TRIM13: variants seen among roughly 807,000 people sequenced by gnomAD.
TRIM13 encodes the protein E3 ubiquitin-protein ligase TRIM13.
TRIM13 carries 15 observed loss-of-function variants against 27.1 expected under a neutral mutation model. The ratio of observed to expected loss-of-function variants is 0.55; its 90% confidence interval spans 0.37 to 0.85. The LOEUF (loss-of-function observed/expected upper bound fraction) is 0.85. Ranked by LOEUF, TRIM13 falls within the 40% of genes least tolerant of loss-of-function variation. The pLI, the probability that TRIM13 is intolerant of heterozygous loss-of-function variation, is 0.00. For synonymous variants in TRIM13, 193 were observed against 171.5 expected (o/e 1.13, Z -0.98); for missense variants, 402 against 472.2 (o/e 0.85, Z 1.38).
chr13:50,013,432 G>C lies in TRIM13; in HGVS notation c.*268G>C, dbSNP rs924464081. 2.0e-5 allele frequency: 6 copies of C among 298,618 alleles called. No homozygotes were observed. The highest frequency in any genetic ancestry group is 3.3e-5 in the Non-Finnish European group (5 of 152,888). The allele number at this position is 298,618 out of a possible 1,614,324, so 18.5% of individuals were successfully genotyped here. ...TGTATTTATGCTGTGATAAAAATAG[G>C]TGAGAGATCATATGATCTAATATTG... On this transcript the variant is annotated 3_prime_UTR_variant, in exon 2 of 2. Transcript: ENST00000378182.
chr13:49,997,491 G>C lies in TRIM13; in HGVS notation c.-279G>C, dbSNP rs1044852590. 19 of 152,246 alleles carry C rather than the reference G, an allele frequency of 1.2e-4. No individual in the cohort carries two copies. The highest frequency in any genetic ancestry group is 4.6e-4 in the African/African-American group (19 of 41,444). The allele number at this position is 152,246 out of a possible 1,614,324, so 9.4% of individuals were successfully genotyped here. ...CAGCGTTTGGTTGCATGGCGCCGGG[G>C]GAGGGCGCCCTAACCGAGAAGCTGC... On this transcript the variant is annotated 5_prime_UTR_variant, in exon 1 of 2. Coordinates refer to ENST00000378182, the MANE Select transcript of TRIM13 (RefSeq NM_213590.3).
At chr13:50,009,814 C>G (rs1875353481) in intron 1 of TRIM13, among the ~76,000 whole-genome samples, 1 of 151,200 alleles carries the variant, frequency 6.6e-6, no homozygotes, top group Admixed American at 6.6e-5. Flanking sequence ...TGGTGCACAC[C>G]TGCAGTCTGT....
intron 1 of TRIM13, among the ~76,000 whole-genome samples, chr13:49,999,117 C>T (rs926398475): frequency 3.3e-4 from 12 of 36,604 alleles, no homozygotes; most frequent in Admixed American, 1.7e-3. Flanking sequence ...GCGTCTGGGC[C>T]GCTCCCTTTT....
chr13:49,999,354 C>T (rs1385510570), intron 1 of TRIM13, among the ~76,000 whole-genome samples: 1 of 152,238 alleles, frequency 6.6e-6, no homozygotes, highest in East Asian at 1.9e-4. Context: ...GCGTTTCACC[C>T]CAAACCCGGA....
intron 1 of TRIM13, among the ~76,000 whole-genome samples, chr13:50,007,966 G>A (rs780426318): frequency 6.5e-4 from 99 of 151,304 alleles, no homozygotes; most frequent in Non-Finnish European, 1.2e-3. Context: ...GTGCAGTGGC[G>A]CTGTCTCGGC....
intron 1 of TRIM13, among the ~76,000 whole-genome samples, chr13:50,010,097 G>A (rs1285897455): frequency 3.6e-5 from 5 of 139,808 alleles, no homozygotes; most frequent in Non-Finnish European, 7.5e-5. Context: ...TGCCCAGGCT[G>A]GAGTGCAGTG....
At position 50,016,653 on chromosome 13, in the gene TRIM13, G is replaced by T. The variant is rs531900662; in HGVS notation, c.*3489G>T. ...GGCTGTCAGTATGTTAAGGATAGTT[G>T]CTCCTGAGTCAATTCTTCACTTACT... On this transcript the variant is annotated 3_prime_UTR_variant, in exon 2 of 2. Coordinates refer to ENST00000378182, the MANE Select transcript of TRIM13 (RefSeq NM_213590.3). The T allele has an allele frequency of 1.2e-5, 2 of 167,068 alleles. No homozygotes were observed. 10.3% of individuals were successfully genotyped at this position (167,068 alleles called of 1,614,324 possible).
chr13:50,005,127 A>G (rs550728062), intron 1 of TRIM13, among the ~76,000 whole-genome samples: 2 of 152,260 alleles, frequency 1.3e-5, no homozygotes, highest in Non-Finnish European at 2.9e-5. Flanking sequence ...GAGGGGATGT[A>G]TCCTTTTTTG....
At chr13:50,001,162 G>A (rs1256726251) in intron 1 of TRIM13, 1 of 152,144 alleles carries the variant, frequency 6.6e-6, no homozygotes, top group African/African-American at 2.4e-5. Context: ...ATGGTGGCAA[G>A]TGCCTGTAAT....
chr13:50,008,557 G>A (rs1875119470), intron 1 of TRIM13, among the ~76,000 whole-genome samples: 1 of 152,038 alleles, frequency 6.6e-6, no homozygotes, highest in Non-Finnish European at 1.5e-5. Flanking sequence ...AGGATTGCTT[G>A]AGCCCAGAAG....
chr13:50,000,161 G>T (rs1468688860), intron 1 of TRIM13, among the ~76,000 whole-genome samples: 2 of 152,120 alleles, frequency 1.3e-5, no homozygotes, highest in Non-Finnish European at 2.9e-5. Flanking sequence ...ACTCGGGTAG[G>T]TATGGTAACA....
chr13:50,000,459 C>A (rs1327736862), intron 1 of TRIM13, among the ~76,000 whole-genome samples: 2 of 152,130 alleles, frequency 1.3e-5, no homozygotes, highest in African/African-American at 4.8e-5. Flanking sequence ...ACCAAAAAAA[C>A]ACAACAACCC....
rs1876645270 is a variant in TRIM13 at position 50,016,781 on chromosome 13, A to G, written c.*3617A>G. On this transcript the variant is annotated 3_prime_UTR_variant, in exon 2 of 2. Coordinates refer to ENST00000378182, the MANE Select transcript of TRIM13 (RefSeq NM_213590.3). ...CTTAATGCTGTCCTACCATTATTTT[A>G]CCAACTGTGAAAGCTGGCTTTAATT... 6.0e-6 allele frequency: 1 copy of G among 166,880 alleles called. No homozygotes were observed. Among genetic ancestry groups the G allele is most frequent in the Non-Finnish European group, 1.5e-5 (1 of 68,078 alleles). 10.3% of individuals were successfully genotyped at this position (166,880 alleles called of 1,614,324 possible).
intron 1 of TRIM13, among the ~76,000 whole-genome samples, chr13:50,002,634 T>C (rs1874185122): frequency 6.6e-6 from 1 of 152,008 alleles, no homozygotes; most frequent in Non-Finnish European, 1.5e-5. Flanking sequence ...TTACTTAGTT[T>C]CAAGAAAACA....
chr13:50,011,893 T>A, intron 1 of TRIM13, 42 bp from the exon 2 acceptor site: 1 of 1,542,950 alleles, frequency 6.5e-7, no homozygotes, highest in Non-Finnish European at 8.7e-7. Flanking sequence ...GTCCTAGTGG[T>A]GACGGTTATT....
In TRIM13 at chr13:50,013,262, C is replaced by T. The variant is rs73491515; in HGVS notation, c.*98C>T. 5 of 1,236,780 alleles carry T rather than the reference C, an allele frequency of 4.0e-6. No individual in the cohort carries two copies. Among genetic ancestry groups the T allele is most frequent in the Non-Finnish European group, 5.5e-6 (5 of 908,506 alleles). 76.6% of individuals were successfully genotyped at this position (1,236,780 alleles called of 1,614,324 possible). A position where few individuals can be genotyped will look rare whatever the true frequency, so the allele number is the denominator to read the frequency against. On this transcript the variant is annotated 3_prime_UTR_variant, in exon 2 of 2. Transcript: ENST00000378182. Reference sequence around the variant, plus strand: ...TCAACGATTCTAGTCACATATTTTCCTCCAAAAGTATTCCTTCCAAAAATA... The same window carrying T: ...TCAACGATTCTAGTCACATATTTTCTTCCAAAAGTATTCCTTCCAAAAATA...
rs998871577 is a variant in TRIM13 at position 50,013,422 on chromosome 13, A to G, written c.*258A>G. On this transcript the variant is annotated 3_prime_UTR_variant, in exon 2 of 2. Coordinates refer to ENST00000378182, the MANE Select transcript of TRIM13 (RefSeq NM_213590.3). ...AAATGTTGGTTGTATTTATGCTGTGATAAAAATAGGTGAGAGATCATATGA... is the reference window on the plus strand; with the variant it reads ...AAATGTTGGTTGTATTTATGCTGTGGTAAAAATAGGTGAGAGATCATATGA... 1 of 317,634 alleles carries G rather than the reference A, an allele frequency of 3.1e-6. No individual in the cohort carries two copies. The highest frequency in any genetic ancestry group is 6.1e-6 in the Non-Finnish European group (1 of 164,818). The allele number at this position is 317,634 out of a possible 1,614,324, so 19.7% of individuals were successfully genotyped here.
At position 50,014,014 on chromosome 13, in the gene TRIM13, G is replaced by A. The variant is rs988945883; in HGVS notation, c.*850G>A. On this transcript the variant is annotated 3_prime_UTR_variant, in exon 2 of 2. Coordinates refer to ENST00000378182, the MANE Select transcript of TRIM13 (RefSeq NM_213590.3). Reference sequence around the variant, plus strand: ...AGTTAATTATCACCAAAATGTGAATGGTACATACAAAACCTGGCATTTTCT... The same window carrying A: ...AGTTAATTATCACCAAAATGTGAATAGTACATACAAAACCTGGCATTTTCT... 1.2e-5 allele frequency: 2 copies of A among 166,652 alleles called. No individual in the cohort carries two copies. Among genetic ancestry groups the A allele is most frequent in the African/African-American group, 2.4e-5 (1 of 41,284 alleles). The allele number at this position is 166,652 out of a possible 1,614,324, so 10.3% of individuals were successfully genotyped here.
chr13:50,016,274 G>A lies in TRIM13; in HGVS notation c.*3110G>A. ...TTTAGAGTGAAAGGGGCTATTATTA[G>A]GTGGGACAAAAGGAATAAATGAAGA... On this transcript the variant is annotated 3_prime_UTR_variant, in exon 2 of 2. Transcript: ENST00000378182. 1 of 523,768 alleles carries A rather than the reference G, an allele frequency of 1.9e-6. No individual in the cohort carries two copies. Among genetic ancestry groups the A allele is most frequent in the Non-Finnish European group, 3.5e-6 (1 of 288,750 alleles). 32.4% of individuals were successfully genotyped at this position (523,768 alleles called of 1,614,324 possible). A position where few individuals can be genotyped will look rare whatever the true frequency, so the allele number is the denominator to read the frequency against.
Sources: allele counts gnomAD v4.1 joint callset (sites outside exome capture counted in the v4.1 genomes callset), GRCh38; gene constraint gnomAD v4.1.1; transcripts MANE v1.5; gene names NCBI Gene and HGNC (gene_info 2026-07-23, HGNC 2026-07-21).